PRIM2: variants seen among roughly 807,000 people sequenced by gnomAD.
The protein encoded by PRIM2 is DNA primase large subunit.
PRIM2 carries 39 observed loss-of-function variants against 67.3 expected under a neutral mutation model. The observed-to-expected ratio is 0.58, with a 90% CI of 0.45 to 0.76. PRIM2 has a LOEUF of 0.76. PRIM2 is among the 30% of genes least tolerant of loss of function. The probability of loss-of-function intolerance (pLI) is 0.00; values close to 1 mark genes in which losing one functional copy is unlikely to be tolerated. For missense variants in PRIM2, 398 were observed against 598.7 expected (o/e 0.66, Z 3.50); for synonymous variants, 143 against 198.7 (o/e 0.72, Z 2.36).
intron 12 of PRIM2, among the ~76,000 whole-genome samples, chr6:57,630,578 G>A (rs1273806118): frequency 1.1e-3 from 169 of 151,040 alleles, no homozygotes; most frequent in African/African-American, 2.9e-3. Flanking sequence ...ATACTAGATT[G>A]TATGTATGTA....
chr6:57,279,670 T>C, the PRIM2 span, among the ~76,000 whole-genome samples: 1 of 152,030 alleles, frequency 6.6e-6, no homozygotes, highest in African/African-American at 2.4e-5. Flanking sequence ...CATTAAAAAG[T>C]GGTGGAGGTT....
chr6:57,584,714 A>G (rs2127486283), intron 10 of PRIM2, among the ~76,000 whole-genome samples: 1 of 152,268 alleles, frequency 6.6e-6, no homozygotes, highest in East Asian at 1.9e-4. Context: ...AACTCCCAGG[A>G]GTCTTCAGAG....
intron 8 of PRIM2, among the ~76,000 whole-genome samples, chr6:57,528,146 T>A (rs1774802509): frequency 6.6e-6 from 1 of 151,442 alleles, no homozygotes; most frequent in South Asian, 2.1e-4. Context: ...TTTTTTTTTT[T>A]TATAGCGATG....
intron 5 of PRIM2, among the ~76,000 whole-genome samples, chr6:57,335,922 G>A (rs1018226228): frequency 3.0e-4 from 45 of 152,190 alleles, no homozygotes; most frequent in Non-Finnish European, 5.9e-4. Context: ...AGCTACGGGA[G>A]GACATTCAAA....
intron 7 of PRIM2, among the ~76,000 whole-genome samples, chr6:57,443,843 TC>T (rs1772278679): frequency 1.3e-5 from 2 of 152,194 alleles, no homozygotes; most frequent in Non-Finnish European, 2.9e-5. Flanking sequence ...ATTGCCTAGA[TC>T]AATGTCATGT....
chr6:57,222,302 G>GAGCATGCGCCGTGCTTCGT, the PRIM2 span: 3 of 152,258 alleles, frequency 2.0e-5, no homozygotes, highest in Non-Finnish European at 4.4e-5. Context: ...CCGCGCTGCG[G>GAGCATGCGCCGTGCTTCGT]AGCATGCGCC....
intron 10 of PRIM2, among the ~76,000 whole-genome samples, chr6:57,560,788 C>T (rs1453699323): frequency 2.0e-5 from 3 of 152,122 alleles, no homozygotes; most frequent in African/African-American, 7.2e-5. Context: ...CAATAGTGGG[C>T]TTAACTGTTC....
At chr6:57,542,958 T>TTTTTTTTTTTTTTTTG (rs1775199901) in intron 10 of PRIM2, among the ~76,000 whole-genome samples, 1 of 132,340 alleles carries the variant, frequency 7.6e-6, no homozygotes. Context: ...TTTTTTTTTT[T>TTTTTTTTTTTTTTTTG]GAGACGGAGT....
intron 5 of PRIM2, among the ~76,000 whole-genome samples, chr6:57,332,249 TC>T (rs1451041819): frequency 6.6e-6 from 1 of 152,192 alleles, no homozygotes; most frequent in African/African-American, 2.4e-5. Flanking sequence ...ATGACTGCAA[TC>T]TTTTAAAATT....
intron 9 of PRIM2, among the ~76,000 whole-genome samples, chr6:57,534,411 T>A (rs1410124776): frequency 6.6e-6 from 1 of 152,344 alleles, no homozygotes; most frequent in East Asian, 1.9e-4. Context: ...AAGATCCAAG[T>A]TGATAATTTA....
At chr6:57,231,095 T>C in the PRIM2 span, among the ~76,000 whole-genome samples, 2 of 152,224 alleles carry the variant, frequency 1.3e-5, no homozygotes, top group African/African-American at 4.8e-5. Flanking sequence ...GACTAGGGTA[T>C]ACTATTGTTA....
At chr6:57,571,195 T>C (rs1775856921) in intron 10 of PRIM2, among the ~76,000 whole-genome samples, 1 of 152,214 alleles carries the variant, frequency 6.6e-6, no homozygotes. Flanking sequence ...TACAATTTTA[T>C]TGCATTATTA....
intron 3 of PRIM2, among the ~76,000 whole-genome samples, chr6:57,322,222 G>A (rs1767684506): frequency 6.6e-6 from 1 of 152,170 alleles, no homozygotes; most frequent in East Asian, 1.9e-4. Flanking sequence ...TTTATAAGCT[G>A]AGCAGAAGAT....
chr6:57,513,272 A>G (rs1308724056), intron 8 of PRIM2, among the ~76,000 whole-genome samples: 1 of 149,900 alleles, frequency 6.7e-6, no homozygotes, highest in Non-Finnish European at 1.5e-5. Flanking sequence ...CCATGAATGT[A>G]GAAGTTTATT....
intron 10 of PRIM2, among the ~76,000 whole-genome samples, chr6:57,588,330 G>A (rs1776230481): frequency 6.6e-6 from 1 of 152,016 alleles, no homozygotes; most frequent in South Asian, 2.1e-4. Flanking sequence ...CACTGGTAAA[G>A]TTTGGTGACT....
intron 10 of PRIM2, among the ~76,000 whole-genome samples, chr6:57,543,299 G>A (rs1361975241): frequency 6.6e-6 from 1 of 152,158 alleles, no homozygotes; most frequent in East Asian, 1.9e-4. Flanking sequence ...CTAATTAAAG[G>A]ACTTGGGTGT....
At chr6:57,449,586 ATTC>A (rs1170106566) in intron 7 of PRIM2, among the ~76,000 whole-genome samples, 1 of 152,104 alleles carries the variant, frequency 6.6e-6, no homozygotes, top group Non-Finnish European at 1.5e-5. Flanking sequence ...TTGCATTTTT[ATTC>A]TTCTTATTAA....
At chr6:57,312,011 G>GGGGAGAGGGGAGAGGGGAGAC (rs1207108085), upstream of PRIM2, among the ~76,000 whole-genome samples, 1 of 106,734 alleles carries the variant, frequency 9.4e-6, no homozygotes, top group Non-Finnish European at 1.9e-5. Flanking sequence ...ACCGTAGAAA[G>GGGGAGAGGGGAGAGGGGAGAC]GGGAGAGGGG....
chr6:57,303,083 T>C, the PRIM2 span, among the ~76,000 whole-genome samples: 83 of 152,310 alleles, frequency 5.4e-4, no homozygotes, highest in Non-Finnish European at 9.3e-4. Context: ...TCTATGTTTA[T>C]AGCTAATATG....
Sources: gnomAD v4.1 joint callset for allele counts (sites outside exome capture counted in the v4.1 genomes callset) on GRCh38, gnomAD v4.1.1 for gene constraint, MANE v1.5 for transcripts, NCBI Gene and HGNC (gene_info 2026-07-23, HGNC 2026-07-21) for gene names.